The following MOB1B variants were observed in gnomAD, a reference collection of about 807,000 sequenced individuals.
The protein encoded by MOB1B is MOB1 Mps One Binder homolog B.
In MOB1B, 19 loss-of-function variants were observed where a neutral mutation model predicts 24.4. The observed-to-expected ratio is 0.78, with a 90% CI of 0.54 to 1.14. MOB1B has a LOEUF of 1.14. Among genes scored for constraint, MOB1B ranks in the 50% most tolerant of loss-of-function variants. The pLI is 0.00. For missense variants in MOB1B, 243 were observed against 259.6 expected (o/e 0.94, Z 0.44); for synonymous variants, 76 against 82.1 (o/e 0.93, Z 0.40).
chr4:70,962,225 G>C (rs2148895677), intron 2 of MOB1B, among the ~76,000 whole-genome samples: 1 of 152,170 alleles, frequency 6.6e-6, no homozygotes, highest in South Asian at 2.1e-4. Context: ...ACCTACCAAG[G>C]ACTCTTGCAT....
At chr4:70,957,434 C>CTCT (rs1553937559) in intron 1 of MOB1B, among the ~76,000 whole-genome samples, 48 of 141,894 alleles carry the variant, frequency 3.4e-4, no homozygotes, top group Middle Eastern at 3.6e-3. Flanking sequence ...CTCTCTCTCT[C>CTCT]TTTTTTTTTT....
chr4:70,913,225 T>G (rs1323406269), intron 1 of MOB1B, among the ~76,000 whole-genome samples: 1 of 152,174 alleles, frequency 6.6e-6, no homozygotes, highest in Non-Finnish European at 1.5e-5. Flanking sequence ...ACAGAAGCCA[T>G]GTATGTTTTT....
intron 1 of MOB1B, among the ~76,000 whole-genome samples, chr4:70,914,961 A>G (rs1449971575): frequency 6.6e-6 from 1 of 152,128 alleles, no homozygotes; most frequent in Admixed American, 6.5e-5. Flanking sequence ...TTTTTTTCCT[A>G]TGAATCCTAT....
chr4:70,944,781 G>A (rs1737505951), intron 1 of MOB1B, among the ~76,000 whole-genome samples: 1 of 152,088 alleles, frequency 6.6e-6, no homozygotes, highest in South Asian at 2.1e-4. Context: ...GAGAGAAAGG[G>A]GGAGAGTAGG....
intron 1 of MOB1B, among the ~76,000 whole-genome samples, chr4:70,905,608 A>G (rs1735708362): frequency 6.6e-6 from 1 of 152,138 alleles, no homozygotes; most frequent in Non-Finnish European, 1.5e-5. Context: ...TAGGAGTTAA[A>G]TACAAATATT....
intron 1 of MOB1B, among the ~76,000 whole-genome samples, chr4:70,919,661 G>A (rs538791714): frequency 6.6e-6 from 1 of 152,242 alleles, no homozygotes; most frequent in South Asian, 2.1e-4. Flanking sequence ...ACCATGCCAG[G>A]CTAATTTTTG....
At chr4:70,914,733 T>C (rs1736129573) in intron 1 of MOB1B, among the ~76,000 whole-genome samples, 1 of 152,206 alleles carries the variant, frequency 6.6e-6, no homozygotes, top group Non-Finnish European at 1.5e-5. Context: ...AACCTGACTT[T>C]TGTCATTCTC....
intron 3 of MOB1B, among the ~76,000 whole-genome samples, chr4:70,971,754 G>A (rs1738762994): frequency 6.6e-6 from 1 of 152,140 alleles, no homozygotes; most frequent in Non-Finnish European, 1.5e-5. Context: ...TATGCCTTGA[G>A]AAATTAAATA....
chr4:70,911,034 C>T (rs1735963709), intron 1 of MOB1B, among the ~76,000 whole-genome samples: 1 of 152,220 alleles, frequency 6.6e-6, no homozygotes, highest in Non-Finnish European at 1.5e-5. Flanking sequence ...GATCCGCCCG[C>T]CTTGGCCTCC....
chr4:70,909,754 T>G (rs1031256289), intron 1 of MOB1B, among the ~76,000 whole-genome samples: 1 of 150,612 alleles, frequency 6.6e-6, no homozygotes, highest in African/African-American at 2.5e-5. Flanking sequence ...TGAGACGGAG[T>G]CTTGCTCTGC....
rs556930845 is a variant in MOB1B at position 70,963,044 on chromosome 4, G to C, written c.181+4004G>C. Reference sequence around the variant, plus strand: ...AAGAAAATTTAAAATTCTGCTCTGTGAAAGACATTGTAAAGAAAATAAAAA... The same window carrying C: ...AAGAAAATTTAAAATTCTGCTCTGTCAAAGACATTGTAAAGAAAATAAAAA... On this transcript the variant is annotated intron_variant, in intron 2 of 5. Coordinates refer to ENST00000309395, the MANE Select transcript of MOB1B (RefSeq NM_173468.4). 1.9e-3 allele frequency among the ~76,000 whole-genome samples: 284 copies of C among 152,124 alleles called. 1 individual carries two copies. Among genetic ancestry groups the C allele is most frequent in the African/African-American group, 6.5e-3 (268 of 41,504 alleles).
chr4:70,933,899 A>G (rs1736979734), intron 1 of MOB1B, among the ~76,000 whole-genome samples: 1 of 151,630 alleles, frequency 6.6e-6, no homozygotes, highest in South Asian at 2.1e-4. Flanking sequence ...CTCTCTTACC[A>G]CATAGGGCTG....
chr4:70,936,246 A>G (rs1049514381), intron 1 of MOB1B, among the ~76,000 whole-genome samples: 12 of 151,982 alleles, frequency 7.9e-5, no homozygotes, highest in Non-Finnish European at 1.3e-4. Flanking sequence ...CGCCCACCTC[A>G]GCCTCCCAAA....
At chr4:70,927,212 C>T (rs1483214027) in intron 1 of MOB1B, among the ~76,000 whole-genome samples, 1 of 151,790 alleles carries the variant, frequency 6.6e-6, no homozygotes, top group Non-Finnish European at 1.5e-5. Context: ...TAATTGCAGT[C>T]TGTGTTCATC....
chr4:70,951,781 C>T (rs1392086307), intron 1 of MOB1B, among the ~76,000 whole-genome samples: 1 of 152,198 alleles, frequency 6.6e-6, no homozygotes, highest in Non-Finnish European at 1.5e-5. Flanking sequence ...GTCACAGCTA[C>T]TCAGGAGGCT....
At chr4:70,966,531 T>C (rs1738537404) in intron 2 of MOB1B, among the ~76,000 whole-genome samples, 1 of 152,014 alleles carries the variant, frequency 6.6e-6, no homozygotes, top group Non-Finnish European at 1.5e-5. Flanking sequence ...TGCGCCACTG[T>C]GCCCGGCTAA....
At chr4:70,971,240 C>T (rs553904176) in intron 3 of MOB1B, among the ~76,000 whole-genome samples, 7 of 152,302 alleles carry the variant, frequency 4.6e-5, no homozygotes, top group Admixed American at 3.3e-4. Flanking sequence ...TGGTGGCTCA[C>T]GCCTATAATC....
chr4:70,957,898 G>A (rs946780754), intron 1 of MOB1B, among the ~76,000 whole-genome samples: 3 of 151,732 alleles, frequency 2.0e-5, no homozygotes, highest in Non-Finnish European at 4.4e-5. Flanking sequence ...GGAACTAGAG[G>A]TGCCCAGCTC....
intron 3 of MOB1B, among the ~76,000 whole-genome samples, chr4:70,972,810 T>G (rs1738813278): frequency 6.6e-6 from 1 of 152,068 alleles, no homozygotes; most frequent in Admixed American, 6.6e-5. Context: ...GTCTCGCTCT[T>G]TCACCCAGGC....
Sources: gnomAD v4.1 joint callset for allele counts (sites outside exome capture counted in the v4.1 genomes callset) on GRCh38, gnomAD v4.1.1 for gene constraint, MANE v1.5 for transcripts, NCBI Gene and HGNC (gene_info 2026-07-23, HGNC 2026-07-21) for gene names.